Variants in TBC1D5 observed in about 807,000 individuals in gnomAD.
The protein encoded by TBC1D5 is TBC1 domain family, member 5.
In TBC1D5, 75 loss-of-function variants were observed where a neutral mutation model predicts 100.3. The observed-to-expected ratio is 0.75, with a 90% CI of 0.62 to 0.91. TBC1D5 has a LOEUF of 0.91. Ranked by LOEUF, TBC1D5 falls within the 40% of genes least tolerant of loss-of-function variation. The pLI is 0.00. For missense variants in TBC1D5, 910 were observed against 942.4 expected, an observed-to-expected ratio of 0.97 and a Z score of 0.45; for synonymous variants, 323 against 325.6, an observed-to-expected ratio of 0.99 and a Z score of 0.09.
At chr3:17,526,392 T>C (rs765971181) in intron 2 of TBC1D5, among the ~76,000 whole-genome samples, 1 of 152,112 alleles carries the variant, frequency 6.6e-6, no homozygotes, top group Non-Finnish European at 1.5e-5. Flanking sequence ...TAATTTCTTT[T>C]TATTTTATGT....
chr3:17,305,919 A>C (rs2083347007), intron 14 of TBC1D5, among the ~76,000 whole-genome samples: 1 of 152,084 alleles, frequency 6.6e-6, no homozygotes, highest in African/African-American at 2.4e-5. Flanking sequence ...GTGATCTACA[A>C]GTGATCACAT....
rs71049188 is a variant in TBC1D5, at chr3:17,219,479, G to GT, written c.1589-5110dup. Among the ~76,000 whole-genome samples the GT allele has an allele frequency of 6.2e-3, 906 of 146,418 alleles. 4 individuals carry two copies. The highest frequency in any genetic ancestry group is 0.019 in the African/African-American group (779 of 40,050). On this transcript the variant is annotated intron_variant, in intron 17 of 21. Coordinates refer to ENST00000253692, the Ensembl canonical transcript of TBC1D5. ...TTTGTGTGGGCCATACTTTCCTGTGGTTTTTTTTTTTTCCTCATACCTTAT... is the reference window on the plus strand; with the variant it reads ...TTTGTGTGGGCCATACTTTCCTGTGGTTTTTTTTTTTTTCCTCATACCTTAT...
At chr3:17,344,758 C>T (rs200350518) in intron 13 of TBC1D5, among the ~76,000 whole-genome samples, 9,804 of 151,874 alleles carry the variant, frequency 0.065, 581 homozygotes, top group African/African-American at 0.16. Context: ...TCAGAAATAA[C>T]GCCACATATC....
intron 13 of TBC1D5, among the ~76,000 whole-genome samples, chr3:17,365,338 T>G (rs900121520): frequency 6.6e-6 from 1 of 152,186 alleles, no homozygotes; most frequent in African/African-American, 2.4e-5. Flanking sequence ...CACTTTTCCT[T>G]CTTGGCCTTT....
intron 15 of TBC1D5, 50 bp from the exon 16 acceptor site, chr3:17,258,641 A>C (rs2596647): frequency 0.42 from 611,248 of 1,452,958 alleles, 134,749 homozygotes; most frequent in Non-Finnish European, 0.46. Context: ...TTAATCCATT[A>C]ACATATAAGA....
exon 21 of TBC1D5, chr3:17,166,893 G>A: frequency 6.2e-7 from 1 of 1,613,260 alleles, no homozygotes; most frequent in Non-Finnish European, 8.5e-7. Flanking sequence ...GCTGGCTCTG[G>A]TTAAAACGCA....
At chr3:17,258,123 T>G (rs934230203) in intron 16 of TBC1D5, among the ~76,000 whole-genome samples, 2 of 152,056 alleles carry the variant, frequency 1.3e-5, no homozygotes, top group Non-Finnish European at 2.9e-5. Flanking sequence ...CTAAAGACAG[T>G]TGGGAAACAC....
At position 17,602,561 on chromosome 3, in the gene TBC1D5, A is replaced by ATTTTT. The variant is rs33956978; in HGVS notation, c.-36+21283_-36+21287dup. On this transcript the variant is annotated intron_variant, in intron 2 of 21. Transcript: ENST00000253692. ...TTATGCCATAATACGAGAGAATCAG[A>ATTTTT]TTTTTTTTTTTTTTTTTTTTTTTTT... Among the ~76,000 whole-genome samples the ATTTTT allele has an allele frequency of 3.2e-4, 24 of 74,516 alleles. 1 individual carries two copies. The highest frequency in any genetic ancestry group is 8.0e-4 in the East Asian group (2 of 2,514). 48.9% of individuals were successfully genotyped at this position (74,516 alleles called of 152,430 possible). A position where few individuals can be genotyped will look rare whatever the true frequency, so the allele number is the denominator to read the frequency against.
At chr3:17,416,224 A>G (rs946335966) in intron 4 of TBC1D5, among the ~76,000 whole-genome samples, 1 of 152,214 alleles carries the variant, frequency 6.6e-6, no homozygotes, top group South Asian at 2.1e-4. Context: ...GATGAGCACT[A>G]AGCAAGTAAA....
intron 2 of TBC1D5, among the ~76,000 whole-genome samples, chr3:17,540,468 C>A (rs191373345): frequency 1.3e-5 from 2 of 152,168 alleles, no homozygotes; most frequent in Admixed American, 1.3e-4. Context: ...ACATTTATGT[C>A]TTTGGTCCAT....
intron 1 of TBC1D5, among the ~76,000 whole-genome samples, chr3:17,709,846 T>TA (rs763952186): frequency 2.0e-5 from 3 of 152,130 alleles, no homozygotes; most frequent in Non-Finnish European, 4.4e-5. Context: ...AAGGAATTCT[T>TA]AGAGCTATCA....
At chr3:17,661,384 C>A (rs1401318650) in intron 1 of TBC1D5, among the ~76,000 whole-genome samples, 1 of 152,178 alleles carries the variant, frequency 6.6e-6, no homozygotes, top group East Asian at 1.9e-4. Flanking sequence ...TACACACAGA[C>A]ACAAGAGATT....
At chr3:17,690,061 C>CA (rs1000764630) in intron 1 of TBC1D5, among the ~76,000 whole-genome samples, 1 of 151,386 alleles carries the variant, frequency 6.6e-6, no homozygotes, top group Admixed American at 6.6e-5. Flanking sequence ...ACATGGCCAA[C>CA]AAAAAAACAG....
chr3:17,222,084 T>G (rs933242755), intron 17 of TBC1D5, among the ~76,000 whole-genome samples: 2 of 152,244 alleles, frequency 1.3e-5, no homozygotes, highest in African/African-American at 4.8e-5. Context: ...TTGGTTTCAC[T>G]CATGTAATCT....
chr3:17,733,646 C>G (rs953835892), intron 1 of TBC1D5, among the ~76,000 whole-genome samples: 3 of 151,948 alleles, frequency 2.0e-5, no homozygotes, highest in African/African-American at 7.3e-5. Flanking sequence ...ATTTTAAAAC[C>G]CTTTTGAGAG....
chr3:17,543,193 C>T (rs2096376283), intron 2 of TBC1D5, among the ~76,000 whole-genome samples: 2 of 152,254 alleles, frequency 1.3e-5, no homozygotes, highest in East Asian at 3.9e-4. Context: ...AAAGACTTGG[C>T]TGTATGTGCC....
Position 17,374,611 on chromosome 3 carries a change from GAA to G in TBC1D5, c.752+16_752+17del. 1 of 1,609,870 alleles carries G rather than the reference GAA, an allele frequency of 6.2e-7. No individual in the cohort carries two copies. Among genetic ancestry groups the G allele is most frequent in the Non-Finnish European group, 8.5e-7 (1 of 1,178,456 alleles). Reference sequence around the variant, plus strand: ...TGATGGTATAAAAAAATAAAACAAAGAAAGTTTTTGTACTTACTAGGCATCAT... The same window carrying G: ...TGATGGTATAAAAAAATAAAACAAAGAGTTTTTGTACTTACTAGGCATCAT... On this transcript the variant is annotated intron_variant, in intron 11 of 21. Transcript: ENST00000253692.
chr3:17,240,122 A>G (rs1233963280), intron 16 of TBC1D5, among the ~76,000 whole-genome samples: 1 of 152,188 alleles, frequency 6.6e-6, no homozygotes, highest in East Asian at 1.9e-4. Context: ...TGTAAAACAG[A>G]ACAGATCCAT....
At chr3:17,219,587 C>A (rs2074052269) in intron 17 of TBC1D5, among the ~76,000 whole-genome samples, 1 of 151,330 alleles carries the variant, frequency 6.6e-6, no homozygotes, top group African/African-American at 2.4e-5. Context: ...ACTTGTTTTT[C>A]CTGTTATTTG....
Sources: gnomAD v4.1 joint callset for allele counts (sites outside exome capture counted in the v4.1 genomes callset) on GRCh38, gnomAD v4.1.1 for gene constraint, MANE v1.5 for transcripts, NCBI Gene and HGNC (gene_info 2026-07-23, HGNC 2026-07-21) for gene names.